Variants in DOCK6 observed in about 807,000 individuals in gnomAD.
DOCK6 encodes the protein dedicator of cytokinesis 6.
Under a neutral mutation model 230.3 loss-of-function variants are expected in DOCK6, and 167 were observed. That is an observed-to-expected ratio of 0.73 (90% CI 0.64 to 0.82). DOCK6 has a LOEUF of 0.82. Among genes scored for constraint, DOCK6 ranks in the 40% least tolerant of loss-of-function variants. DOCK6 has a pLI of 0.00. For missense variants in DOCK6, 2,598 were observed against 2,825.8 expected (o/e 0.92, Z 1.83); for synonymous variants, 1,148 against 1,185.0 (o/e 0.97, Z 0.64).
intron 24 of DOCK6, among the ~76,000 whole-genome samples, chr19:11,225,032 C>A (rs568469259): frequency 2.0e-4 from 30 of 151,950 alleles, no homozygotes; most frequent in African/African-American, 5.6e-4. Flanking sequence ...CCACTGCACT[C>A]CCGCCTGGGC....
At chr19:11,258,767 T>C (rs564690425) in intron 1 of DOCK6, among the ~76,000 whole-genome samples, 1 of 147,068 alleles carries the variant, frequency 6.8e-6, no homozygotes, top group Non-Finnish European at 1.5e-5. Flanking sequence ...TTCTCTCTCT[T>C]TTTTTTTTCT....
rs1180485915 is a variant in DOCK6 at position 11,222,922 on chromosome 19, G to T, written c.3070-17C>A. 1.2e-6 allele frequency: 2 copies of T among 1,611,616 alleles called. No homozygotes were observed. Among genetic ancestry groups the T allele is most frequent in the African/African-American group, 2.7e-5 (2 of 74,856 alleles). On this transcript the variant is annotated splice_polypyrimidine_tract_variant and intron_variant, in intron 25 of 47. Transcript: ENST00000294618. This position sits in a 1 kb window ranked among gnomAD's most constrained non-coding sequence, Gnocchi z 4.0. ...CGTGGCCACCTGCAGGAGAGGGGTG[G>T]CCATCAGTGATGTCAACATTGCTCC...
intron 14 of DOCK6, chr19:11,240,321 G>A (rs1480738391): frequency 1.3e-6 from 2 of 1,521,424 alleles, no homozygotes; most frequent in Admixed American, 2.4e-5. Flanking sequence ...CAACCCTAGT[G>A]GGCTGAGACC....
In DOCK6 at chr19:11,234,738, C is replaced by T. The variant is rs557031389; in HGVS notation, c.2554+860G>A. On this transcript the variant is annotated intron_variant, in intron 21 of 47. Coordinates refer to ENST00000294618, the MANE Select transcript of DOCK6 (RefSeq NM_020812.4). The stretch of plus-strand genomic sequence containing the variant: ...ATCTAGGCAGCTCAGCTTCAGTCTC[C>T]GCTCCAAGCTACTGAAGAGGCTTGC... 3.3e-5 allele frequency among the ~76,000 whole-genome samples: 5 copies of T among 152,230 alleles called. No individual in the cohort carries two copies. In the South Asian group the frequency reaches 6.2e-4, roughly 19 times the overall value.
chr19:11,208,642 C>A, intron 39 of DOCK6, 44 bp downstream of exon 39: 1 of 1,586,614 alleles, frequency 6.3e-7, no homozygotes. Flanking sequence ...TGGCACCTCC[C>A]TGGCCCGAGC....
intron 24 of DOCK6, among the ~76,000 whole-genome samples, chr19:11,226,572 C>A (rs189789108): frequency 6.6e-5 from 10 of 152,198 alleles, no homozygotes; most frequent in Admixed American, 6.5e-4. Flanking sequence ...GCAGGAGAAT[C>A]GCTTGAACCT....
rs755065140 is a variant in DOCK6 at position 11,237,685 on chromosome 19, G to C, written c.1927C>G (p.Gln643Glu). 1.9e-6 allele frequency: 3 copies of C among 1,595,770 alleles called. No homozygotes were observed. In the South Asian group the frequency reaches 3.4e-5, roughly 18 times the overall value. Residue 643 changes from glutamine (Q) to glutamate (E), a missense_variant, in exon 17 of 48, where the codon CAG becomes GAG. By Grantham distance (29) the Gln-to-Glu change is conservative. Coordinates refer to ENST00000294618, the MANE Select transcript of DOCK6 (RefSeq NM_020812.4). ...LLFTFYHVSCQPRPGTALETP... is the reference protein window; with the variant it reads ...LLFTFYHVSCEPRPGTALETP... Reference sequence around the variant, plus strand: ...TCCAGGGCAGTGCCCGGCCGGGGCTGGCAGCTGACATGGTAGAAGGTGAAC... The same window carrying C: ...TCCAGGGCAGTGCCCGGCCGGGGCTCGCAGCTGACATGGTAGAAGGTGAAC...
In DOCK6 at chr19:11,260,972, C is replaced by T. The variant is rs371935647; in HGVS notation, c.44+1425G>A. On this transcript the variant is annotated intron_variant, in intron 1 of 47. Coordinates refer to ENST00000294618, the MANE Select transcript of DOCK6 (RefSeq NM_020812.4). ...AATAATGTTTGCAGCCTCAAAGACGCCAAAGGTCTAAGACATTTTGAAAGC... is the reference window on the plus strand; with the variant it reads ...AATAATGTTTGCAGCCTCAAAGACGTCAAAGGTCTAAGACATTTTGAAAGC... Among the ~76,000 whole-genome samples, 29 of 151,618 alleles carry T rather than the reference C, an allele frequency of 1.9e-4. No individual in the cohort carries two copies. In the East Asian group the frequency reaches 3.3e-3, roughly 17 times the overall value.
intron 9 of DOCK6, among the ~76,000 whole-genome samples, chr19:11,244,739 G>A (rs533427511): frequency 2.3e-4 from 35 of 152,064 alleles, no homozygotes; most frequent in Non-Finnish European, 4.3e-4. Flanking sequence ...GATTACAGGC[G>A]TGAGCCACCG....
Position 11,250,848 on chromosome 19 carries a change from G to A in DOCK6, c.720+26C>T, listed in dbSNP as rs200258014. On this transcript the variant is annotated intron_variant, in intron 6 of 47. Transcript: ENST00000294618. ...ATAGGCACCCAGTAAATGCTGGTTG[G>A]CTGATATCTGGGAAGGGGCACCCAC... is the stretch of plus-strand genomic sequence containing the variant. 2.3e-3 allele frequency: 3,721 copies of A among 1,588,634 alleles called. 5 individuals are homozygous for A. The highest frequency in any genetic ancestry group is 0.012 in the Middle Eastern group (57 of 4,710).
At chr19:11,199,890 TG>T (rs1406189118) in intron 47 of DOCK6, among the ~76,000 whole-genome samples, 1 of 152,218 alleles carries the variant, frequency 6.6e-6, no homozygotes, top group Non-Finnish European at 1.5e-5. Context: ...TGGCTCATGC[TG>T]TAATTCCAGC....
chr19:11,256,986 G>A (rs1568268843), intron 1 of DOCK6, among the ~76,000 whole-genome samples: 1 of 151,232 alleles, frequency 6.6e-6, no homozygotes, highest in Admixed American at 6.6e-5. Flanking sequence ...GCCTGTTTTT[G>A]TTTTTTTGTG....
At position 11,200,269 on chromosome 19, in the gene DOCK6, C is replaced by T. The variant is rs1568660476; in HGVS notation, c.6101+39G>A. The T allele has an allele frequency of 1.3e-6, 2 of 1,540,956 alleles. No homozygotes were observed. Among genetic ancestry groups the T allele is most frequent in the South Asian group, 1.2e-5 (1 of 82,450 alleles). The stretch of plus-strand genomic sequence containing the variant: ...CCTGTCCTGGTCTGCCTCTGCATCC[C>T]CTCTCTAGTCTCTAGGATGGGGGCA... On this transcript the variant is annotated intron_variant, in intron 47 of 47. Coordinates refer to ENST00000294618, the MANE Select transcript of DOCK6 (RefSeq NM_020812.4). This position sits in a 1 kb window ranked among gnomAD's most constrained non-coding sequence, Gnocchi z 4.3.
intron 7 of DOCK6, among the ~76,000 whole-genome samples, chr19:11,246,982 G>A (rs1291519196): frequency 1.1e-4 from 16 of 152,108 alleles, no homozygotes; most frequent in Admixed American, 8.5e-4. Flanking sequence ...ATACCCGCTC[G>A]CACCCCTCAA....
At chr19:11,233,928 G>A (rs1206604610) in intron 21 of DOCK6, among the ~76,000 whole-genome samples, 5 of 151,800 alleles carry the variant, frequency 3.3e-5, no homozygotes, top group African/African-American at 1.2e-4. Context: ...TCTGCCTCCC[G>A]GGTTTAAGCA....
intron 24 of DOCK6, among the ~76,000 whole-genome samples, chr19:11,223,340 G>A (rs1440840092): frequency 6.6e-6 from 1 of 152,080 alleles, no homozygotes; most frequent in Non-Finnish European, 1.5e-5. Context: ...AGATCCTCTC[G>A]CTCTCTCTGT....
intron 28 of DOCK6, among the ~76,000 whole-genome samples, chr19:11,217,847 T>C (rs2079518828): frequency 6.6e-6 from 1 of 151,962 alleles, no homozygotes; most frequent in Non-Finnish European, 1.5e-5. Flanking sequence ...TTATTTTACT[T>C]ATTTTATTTA....
Position 11,201,956 on chromosome 19 carries a change from G to C in DOCK6, c.5621C>G (p.Thr1874Arg). 1 of 1,612,888 alleles carries C rather than the reference G, an allele frequency of 6.2e-7. No individual in the cohort carries two copies. Reference protein sequence around the residue: ...GELPEQHKRKTLLSTDHAFPY... With the variant: ...GELPEQHKRKRLLSTDHAFPY... Reference sequence around the variant, plus strand: ...GAAGGCGTGGTCGGTGCTGAGCAGCGTCTTACGCTTGTGTTGCTCGGGCAG... The same window carrying C: ...GAAGGCGTGGTCGGTGCTGAGCAGCCTCTTACGCTTGTGTTGCTCGGGCAG... Residue 1874 changes from threonine to arginine, a missense_variant, in exon 44 of 48, where the codon ACG becomes AGG. Coordinates refer to ENST00000294618, the MANE Select transcript of DOCK6 (RefSeq NM_020812.4). This position sits in a 1 kb window ranked among gnomAD's most constrained non-coding sequence, Gnocchi z 4.3.
intron 9 of DOCK6, among the ~76,000 whole-genome samples, chr19:11,244,166 G>A (rs879369652): frequency 1.3e-4 from 19 of 150,616 alleles, no homozygotes; most frequent in African/African-American, 3.5e-4. Flanking sequence ...TTACATTTAT[G>A]TATGTATGTA....
Sources: allele counts gnomAD v4.1 joint callset (sites outside exome capture counted in the v4.1 genomes callset), GRCh38; gene constraint gnomAD v4.1.1; non-coding constraint Gnocchi (gnomAD v3.1); transcripts MANE v1.5; gene names NCBI Gene and HGNC (gene_info 2026-07-23, HGNC 2026-07-21).